SPECC1: variants seen among roughly 807,000 people sequenced by gnomAD.
SPECC1 encodes sperm antigen with calponin homology and coiled-coil domains 1.
In SPECC1, 62 loss-of-function variants were observed where a neutral mutation model predicts 104.1. That is an observed-to-expected ratio of 0.60 (90% confidence interval 0.49 to 0.74). The LOEUF (loss-of-function observed/expected upper bound fraction) is 0.74, where lower values mean the gene tolerates loss of function less well. Among genes scored for constraint, SPECC1 ranks in the 30% least tolerant of loss-of-function variants. The pLI is 0.00. For synonymous variants in SPECC1, 513 were observed against 501.6 expected, an observed-to-expected ratio of 1.02 and a Z score of -0.30; for missense variants, 1,306 against 1,310.5, an observed-to-expected ratio of 1.00 and a Z score of 0.05.
rs913978166 is a variant in SPECC1 at position 20,131,748 on chromosome 17, C to A, written c.283+21186C>A. Among the ~76,000 whole-genome samples, 2 of 150,312 alleles carry A rather than the reference C, an allele frequency of 1.3e-5. 1 individual carries two copies. Among genetic ancestry groups the A allele is most frequent in the South Asian group, 4.2e-4 (2 of 4,708 alleles). On this transcript the variant is annotated intron_variant, in intron 3 of 14. Transcript: ENST00000395527. ...CACTGCAACCTCTGCCTCCCGAGTT[C>A]AAGCAATTCTCCTGCCTCAGCCTTC... is the stretch of plus-strand genomic sequence containing the variant.
rs946192078 is a variant in SPECC1 at position 20,021,981 on chromosome 17, G to T, written c.-22+12557G>T. On this transcript the variant is annotated intron_variant, in intron 1 of 14. Coordinates refer to ENST00000395527, the MANE Select transcript of SPECC1 (RefSeq NM_001243439.2). ...TTTTGAGATGGAGTTTCACTCAGTC[G>T]CCCAGGCTGGAGTGCAGTGGCATGG... Among the ~76,000 whole-genome samples, 3 of 150,946 alleles carry T rather than the reference G, an allele frequency of 2.0e-5. No individual in the cohort carries two copies. The South Asian group carries it at 6.3e-4, about 32-fold the overall frequency.
intron 12 of SPECC1, among the ~76,000 whole-genome samples, chr17:20,278,538 A>C (rs2040649529): frequency 1.3e-5 from 2 of 152,162 alleles, no homozygotes; most frequent in African/African-American, 4.8e-5. Flanking sequence ...TGAGCTTATT[A>C]ATCTGGTTAA....
At chr17:20,138,177 T>G (rs557746493) in intron 3 of SPECC1, among the ~76,000 whole-genome samples, 2 of 152,182 alleles carry the variant, frequency 1.3e-5, no homozygotes, top group Admixed American at 1.3e-4. Flanking sequence ...TTGCCCAGGG[T>G]GGTCTTGAAC....
chr17:20,285,268 C>G (rs9905493), intron 12 of SPECC1, among the ~76,000 whole-genome samples: 107,790 of 152,170 alleles, frequency 0.71, 39,983 homozygotes, highest in East Asian at 0.99. Flanking sequence ...CCCCCGTCTG[C>G]AACTTTAGTA....
At chr17:20,274,671 G>A (rs567813785) in intron 12 of SPECC1, among the ~76,000 whole-genome samples, 1 of 151,492 alleles carries the variant, frequency 6.6e-6, no homozygotes, top group Non-Finnish European at 1.5e-5. Flanking sequence ...TAGTAGAGAC[G>A]AGGTTTCACC....
intron 3 of SPECC1, among the ~76,000 whole-genome samples, chr17:20,132,326 A>C (rs1388230219): frequency 6.6e-6 from 1 of 152,142 alleles, no homozygotes; most frequent in Admixed American, 6.5e-5. Context: ...ATCTGTATTC[A>C]TGAGGGTCTG....
At chr17:20,211,316 C>T (rs1447491114) in intron 4 of SPECC1, among the ~76,000 whole-genome samples, 2 of 152,226 alleles carry the variant, frequency 1.3e-5, no homozygotes, top group Non-Finnish European at 2.9e-5. Flanking sequence ...TGGCTTCATG[C>T]TGGGAAGGAG....
intron 7 of SPECC1, among the ~76,000 whole-genome samples, chr17:20,242,469 G>T (rs1405445382): frequency 1.3e-5 from 2 of 152,236 alleles, no homozygotes; most frequent in Non-Finnish European, 2.9e-5. Flanking sequence ...GTGTGACACA[G>T]CATCAGGCGG....
chr17:20,310,413 C>T (rs946755037), intron 14 of SPECC1, among the ~76,000 whole-genome samples: 7 of 152,052 alleles, frequency 4.6e-5, no homozygotes, highest in African/African-American at 1.7e-4. Context: ...GACGTTCTAT[C>T]AATAGCCATT....
chr17:20,199,064 C>T (rs1467886325), intron 3 of SPECC1, among the ~76,000 whole-genome samples: 1 of 145,010 alleles, frequency 6.9e-6, no homozygotes, highest in Non-Finnish European at 1.5e-5. Context: ...AATGGAATTG[C>T]AGGATCTTAT....
chr17:20,210,407 A>G (rs968855189), intron 4 of SPECC1, among the ~76,000 whole-genome samples: 2 of 152,184 alleles, frequency 1.3e-5, no homozygotes, highest in East Asian at 1.9e-4. Context: ...ACCTCCTGCC[A>G]GGGGTACAGG....
chr17:20,074,227 G>T (rs187299242), intron 1 of SPECC1, among the ~76,000 whole-genome samples: 109 of 152,308 alleles, frequency 7.2e-4, no homozygotes, highest in South Asian at 5.6e-3. Flanking sequence ...GTGCCCTGTC[G>T]TCTGGCAGAG....
chr17:20,010,726 T>A (rs9908415), intron 1 of SPECC1, among the ~76,000 whole-genome samples: 10,512 of 152,306 alleles, frequency 0.069, 986 homozygotes, highest in African/African-American at 0.21. Flanking sequence ...TTCCATAGAT[T>A]ACTCTCGCTG....
chr17:20,192,110 A>T (rs1291813509), intron 3 of SPECC1, among the ~76,000 whole-genome samples: 1 of 151,280 alleles, frequency 6.6e-6, no homozygotes, highest in African/African-American at 2.4e-5. Context: ...CTAATTTTTG[A>T]TTTTTTTGAT....
chr17:20,072,103 G>A (rs1290697007), intron 1 of SPECC1, among the ~76,000 whole-genome samples: 2 of 152,136 alleles, frequency 1.3e-5, no homozygotes, highest in African/African-American at 4.8e-5. Flanking sequence ...TCTCTAATCT[G>A]GAATCTCAAA....
intron 4 of SPECC1, among the ~76,000 whole-genome samples, chr17:20,222,481 A>G (rs950186368): frequency 6.6e-6 from 1 of 152,178 alleles, no homozygotes; most frequent in African/African-American, 2.4e-5. Context: ...GTTTTGTTTT[A>G]TAGTGCAGAT....
chr17:20,197,845 C>G (rs917406840), intron 3 of SPECC1, among the ~76,000 whole-genome samples: 1 of 152,174 alleles, frequency 6.6e-6, no homozygotes, highest in South Asian at 2.1e-4. Flanking sequence ...AAAAGAAATT[C>G]ATAGCACAAA....
rs2042036282 is a variant in SPECC1, at chr17:20,316,019, AGGC to A, written c.*1955_*1957del. The A allele has an allele frequency of 4.3e-6, 1 of 232,612 alleles. No individual in the cohort carries two copies. The highest frequency in any genetic ancestry group is 1.8e-4 in the South Asian group (1 of 5,532). 14.4% of individuals were successfully genotyped at this position (232,612 alleles called of 1,614,324 possible). A position where few individuals can be genotyped will look rare whatever the true frequency, so the allele number is the denominator to read the frequency against. On this transcript the variant is annotated 3_prime_UTR_variant, in exon 15 of 15. Coordinates refer to ENST00000395527, the MANE Select transcript of SPECC1 (RefSeq NM_001243439.2). ...TGGACACCTTCCCCTGGCAGCCACA[AGGC>A]AGGCAGCCTGCGGGAGCTCCTGAGC... is the stretch of plus-strand genomic sequence containing the variant.
intron 12 of SPECC1, among the ~76,000 whole-genome samples, chr17:20,287,122 A>G (rs2040974994): frequency 6.6e-6 from 1 of 152,176 alleles, no homozygotes. Flanking sequence ...CAGTAATTTA[A>G]ATGACATGGC....
Sources: gnomAD v4.1 joint callset for allele counts (sites outside exome capture counted in the v4.1 genomes callset) on GRCh38, gnomAD v4.1.1 for gene constraint, MANE v1.5 for transcripts, NCBI Gene and HGNC (gene_info 2026-07-23, HGNC 2026-07-21) for gene names.